CDH2: variants seen among roughly 807,000 people sequenced by gnomAD.
The protein encoded by CDH2 is cadherin-2.
A neutral mutation model predicts 92.0 loss-of-function variants in CDH2; 17 were observed. That is an observed-to-expected ratio of 0.18 (90% CI 0.13 to 0.28). The LOEUF (loss-of-function observed/expected upper bound fraction) is 0.28, where lower values mean the gene tolerates loss of function less well. CDH2 is among the 10% of genes least tolerant of loss of function. The probability of loss-of-function intolerance (pLI) is 1.00; values close to 1 mark genes in which losing one functional copy is unlikely to be tolerated. For missense variants in CDH2, 862 were observed against 1,133.1 expected, an observed-to-expected ratio of 0.76 and a Z score of 3.44; for synonymous variants, 419 against 415.9, an observed-to-expected ratio of 1.01 and a Z score of -0.09.
chr18:28,174,008 C>T (rs150232363), intron 1 of CDH2, among the ~76,000 whole-genome samples: 157 of 152,134 alleles, frequency 1.0e-3, no homozygotes, highest in African/African-American at 3.7e-3. Context: ...TGATGTTGAA[C>T]ATCATAACAT....
chr18:28,049,271 A>G (rs984908550), intron 2 of CDH2, among the ~76,000 whole-genome samples: 13 of 152,206 alleles, frequency 8.5e-5, no homozygotes, highest in African/African-American at 3.1e-4. Flanking sequence ...TTCCTCTGTG[A>G]TGACTACACA....
intron 2 of CDH2, among the ~76,000 whole-genome samples, chr18:28,106,348 C>T (rs146390701): frequency 0.015 from 2,199 of 151,596 alleles, 58 homozygotes; most frequent in African/African-American, 0.051. Flanking sequence ...ACCTGGGAGG[C>T]GGCGGTTGCA....
intron 2 of CDH2, among the ~76,000 whole-genome samples, chr18:28,114,891 A>C (rs1248616563): frequency 5.5e-4 from 80 of 146,494 alleles, no homozygotes; most frequent in Non-Finnish European, 4.5e-5. Context: ...TACAGAATGC[A>C]AAAAAAAAAA....
chr18:28,174,736 A>C (rs1286525856), intron 1 of CDH2, among the ~76,000 whole-genome samples: 1 of 152,220 alleles, frequency 6.6e-6, no homozygotes, highest in Non-Finnish European at 1.5e-5. Flanking sequence ...TGTAACACAC[A>C]TAGATTTCCC....
intron 2 of CDH2, among the ~76,000 whole-genome samples, chr18:28,025,852 A>C (rs2013539666): frequency 6.6e-6 from 1 of 152,148 alleles, no homozygotes; most frequent in South Asian, 2.1e-4. Flanking sequence ...TTCAAATATT[A>C]TTTTAACTGT....
At chr18:28,069,611 T>C (rs1329068624) in intron 2 of CDH2, among the ~76,000 whole-genome samples, 1 of 152,176 alleles carries the variant, frequency 6.6e-6, no homozygotes, top group Non-Finnish European at 1.5e-5. Context: ...GAACATTTAC[T>C]ATCTCATCTA....
chr18:28,062,421 G>C (rs1427956488), intron 2 of CDH2, among the ~76,000 whole-genome samples: 1 of 152,094 alleles, frequency 6.6e-6, no homozygotes. Context: ...CAATAATAGA[G>C]TTTTGCCTGT....
At chr18:27,998,496 G>C (rs984488090) in intron 7 of CDH2, among the ~76,000 whole-genome samples, 6 of 152,168 alleles carry the variant, frequency 3.9e-5, no homozygotes, top group Non-Finnish European at 8.8e-5. Flanking sequence ...AATCCACTAC[G>C]TGAGTGCCCT....
intron 7 of CDH2, among the ~76,000 whole-genome samples, chr18:28,002,105 C>A (rs544155595): frequency 6.6e-6 from 1 of 152,090 alleles, no homozygotes; most frequent in African/African-American, 2.4e-5. Flanking sequence ...ATAGTCAGGA[C>A]AGAATCGAGA....
chr18:28,037,340 G>T (rs942296325), intron 2 of CDH2, among the ~76,000 whole-genome samples: 1 of 152,128 alleles, frequency 6.6e-6, no homozygotes, highest in Non-Finnish European at 1.5e-5. Context: ...AACTTTCTGA[G>T]GATTCAGATA....
intron 2 of CDH2, chr18:28,146,705 A>G (rs2016040372): frequency 2.0e-5 from 3 of 152,082 alleles, no homozygotes; most frequent in African/African-American, 4.8e-5. Flanking sequence ...CTATACCACT[A>G]AGGTTTGTCG....
intron 2 of CDH2, among the ~76,000 whole-genome samples, chr18:28,026,259 T>C (rs1279623354): frequency 6.6e-6 from 1 of 152,144 alleles, no homozygotes; most frequent in Non-Finnish European, 1.5e-5. Flanking sequence ...GATTTGCCCA[T>C]CAAATGAGAC....
chr18:28,004,754 G>A (rs2012866456), intron 6 of CDH2, among the ~76,000 whole-genome samples: 1 of 152,120 alleles, frequency 6.6e-6, no homozygotes, highest in Non-Finnish European at 1.5e-5. Context: ...AAATACTGAA[G>A]AAAGCTACTC....
Position 28,108,033 on chromosome 18 carries a change from TG to T in CDH2, c.172+39639del. Among the ~76,000 whole-genome samples the T allele has an allele frequency of 2.6e-5, 4 of 152,298 alleles. No individual in the cohort carries two copies. In the Middle Eastern group the frequency reaches 0.014, roughly 518 times the overall value. On this transcript the variant is annotated intron_variant, in intron 2 of 15. Coordinates refer to ENST00000269141, the MANE Select transcript of CDH2 (RefSeq NM_001792.5). The stretch of plus-strand genomic sequence containing the variant: ...CTGTTACAAATTAAACCCAATTATC[TG>T]GCGAACAGTTTCCATAATAAAACCT...
At chr18:27,971,185 A>G (rs1046451326) in intron 14 of CDH2, among the ~76,000 whole-genome samples, 2 of 152,070 alleles carry the variant, frequency 1.3e-5, no homozygotes, top group Non-Finnish European at 2.9e-5. Flanking sequence ...GCAGTAAGCC[A>G]AGATCACACC....
At chr18:28,151,155 T>G (rs961231716) in intron 1 of CDH2, among the ~76,000 whole-genome samples, 2 of 152,262 alleles carry the variant, frequency 1.3e-5, no homozygotes, top group Admixed American at 1.3e-4. Context: ...GGGGGCTGAC[T>G]GCACTGTGGT....
At chr18:28,091,781 T>C (rs1281486641) in intron 2 of CDH2, among the ~76,000 whole-genome samples, 4 of 152,178 alleles carry the variant, frequency 2.6e-5, no homozygotes, top group Non-Finnish European at 5.9e-5. Flanking sequence ...TTTGATTAAC[T>C]GAGCTATTTT....
chr18:28,168,909 T>C (rs1319200129), intron 1 of CDH2, among the ~76,000 whole-genome samples: 1 of 152,136 alleles, frequency 6.6e-6, no homozygotes, highest in African/African-American at 2.4e-5. Context: ...TGCAGTCTGA[T>C]AAAGGGAGAA....
intron 2 of CDH2, among the ~76,000 whole-genome samples, chr18:28,066,664 T>C (rs914658472): frequency 2.0e-5 from 3 of 152,062 alleles, no homozygotes; most frequent in African/African-American, 7.2e-5. Context: ...ATTTCTATTA[T>C]AGTCAAGCTG....
Sources: gnomAD v4.1 joint callset for allele counts (sites outside exome capture counted in the v4.1 genomes callset) on GRCh38, gnomAD v4.1.1 for gene constraint, MANE v1.5 for transcripts, NCBI Gene and HGNC (gene_info 2026-07-23, HGNC 2026-07-21) for gene names.